The following ATP5PO variants were observed in gnomAD, a reference collection of about 807,000 sequenced individuals.
ATP5PO encodes the protein ATP synthase peripheral stalk subunit OSCP, mitochondrial.
In ATP5PO, 14 loss-of-function variants were observed where a neutral mutation model predicts 26.2. That is an observed-to-expected ratio of 0.53 (90% CI 0.35 to 0.83). ATP5PO has a LOEUF of 0.83. Ranked by LOEUF, ATP5PO falls within the 40% of genes least tolerant of loss-of-function variation. The probability of loss-of-function intolerance (pLI) is 0.01; values close to 1 mark genes in which losing one functional copy is unlikely to be tolerated. For synonymous variants in ATP5PO, 106 were observed against 95.1 expected, an observed-to-expected ratio of 1.12 and a Z score of -0.67; for missense variants, 241 against 258.5, an observed-to-expected ratio of 0.93 and a Z score of 0.46.
rs76471414 is a variant in ATP5PO at position 33,913,082 on chromosome 21, T to G, written c.88-683A>C. On this transcript the variant is annotated intron_variant, in intron 2 of 6. Transcript: ENST00000290299. ...TTTAGTTCCAGTCCAGCTCTAGGAC[T>G]AAGCTGAGTAACCTCAGGTAAATTT... Among the ~76,000 whole-genome samples, 187 of 152,364 alleles carry G rather than the reference T, an allele frequency of 1.2e-3. 5 individuals are homozygous for G. In the East Asian group the frequency reaches 0.032, roughly 26 times the overall value.
At chr21:33,907,307 A>G in intron 5 of ATP5PO, 34 bp downstream of exon 5, 1 of 1,554,092 alleles carries the variant, frequency 6.4e-7, no homozygotes, top group Non-Finnish European at 8.9e-7. Flanking sequence ...ATGTAATATC[A>G]AGGCAAACAC....
At chr21:33,909,317 G>A (rs1053391169) in intron 3 of ATP5PO, 106 bp from the exon 4 acceptor site, 17 of 1,316,264 alleles carry the variant, frequency 1.3e-5, no homozygotes, top group African/African-American at 3.0e-5. Flanking sequence ...GTCTTGCTCC[G>A]TCGCTCAGGC....
At chr21:33,912,497 G>A (rs1226422800) in intron 2 of ATP5PO, 98 bp from the exon 3 acceptor site, 3 of 784,516 alleles carry the variant, frequency 3.8e-6, no homozygotes, top group Middle Eastern at 3.1e-4. Context: ...TTTAAAAAAT[G>A]TATCTCTTTA....
At position 33,915,715 on chromosome 21, in the gene ATP5PO, A is replaced by C. The variant is rs1456227253; in HGVS notation, c.36+13T>G. On this transcript the variant is annotated intron_variant, in intron 1 of 6. Transcript: ENST00000290299. ...GATCCTCCCACTGGCTCTCAGGACC[A>C]CCTTTCTCTCACCTGCCGGGAGAGC... 1 of 1,569,704 alleles carries C rather than the reference A, an allele frequency of 6.4e-7. No homozygotes were observed. The highest frequency in any genetic ancestry group is 8.6e-7 in the Non-Finnish European group (1 of 1,157,388).
intron 3 of ATP5PO, 82 bp downstream of exon 3, chr21:33,912,207 C>T: frequency 5.0e-6 from 6 of 1,193,914 alleles, no homozygotes; most frequent in Non-Finnish European, 7.2e-6. Context: ...GTAGGATACA[C>T]CTCATTAGGA....
At chr21:33,914,647 C>G in intron 1 of ATP5PO, 147 bp from the exon 2 acceptor site, 1 of 670,692 alleles carries the variant, frequency 1.5e-6, no homozygotes, top group Non-Finnish European at 2.5e-6. Context: ...GGGTGAGCTA[C>G]TTACTATTAC....
chr21:33,904,075 G>A (rs1035245016), intron 5 of ATP5PO, 54 bp from the exon 6 acceptor site: 43 of 1,484,640 alleles, frequency 2.9e-5, no homozygotes, highest in Non-Finnish European at 3.5e-5. Flanking sequence ...GAAACTTCCA[G>A]AGTTAAAATA....
intron 2 of ATP5PO, 150 bp from the exon 3 acceptor site, chr21:33,912,549 A>G (rs1203375574): frequency 6.1e-6 from 3 of 493,780 alleles, no homozygotes; most frequent in Non-Finnish European, 1.0e-5. Flanking sequence ...GCTGTCCTAA[A>G]TGGCAATTTG....
rs1400941587 is a variant in ATP5PO, at chr21:33,908,152, A to C, written c.329-699T>G. Among the ~76,000 whole-genome samples the C allele has an allele frequency of 1.3e-4, 19 of 147,638 alleles. No individual in the cohort carries two copies. The Admixed American group carries it at 1.3e-3, about 10-fold the overall frequency. On this transcript the variant is annotated intron_variant, in intron 4 of 6. Transcript: ENST00000290299. ...CACTGCACTCCAGCTTGGGTGACAG[A>C]AAGGGACACCCAGGCTCAAAAAAAA...
At chr21:33,914,109 AT>A (rs1158932842) in intron 2 of ATP5PO, among the ~76,000 whole-genome samples, 1 of 152,082 alleles carries the variant, frequency 6.6e-6, no homozygotes, top group Non-Finnish European at 1.5e-5. Context: ...GTCTCCTGTA[AT>A]AACTTCCTGT....
chr21:33,908,169 CAAA>C (rs34768404), intron 4 of ATP5PO, among the ~76,000 whole-genome samples: 27,246 of 97,562 alleles, frequency 0.28, 2,299 homozygotes, highest in Non-Finnish European at 0.31. Context: ...CACCCAGGCT[CAAA>C]AAAAAAAAAA....
intron 4 of ATP5PO, 148 bp downstream of exon 4, chr21:33,908,934 C>T: frequency 1.1e-6 from 1 of 885,530 alleles, no homozygotes; most frequent in Non-Finnish European, 1.6e-6. Flanking sequence ...GGTTAAGATA[C>T]AGACTCTGAT....
At chr21:33,909,282 T>G in intron 3 of ATP5PO, 71 bp from the exon 4 acceptor site, 4 of 1,471,042 alleles carry the variant, frequency 2.7e-6, no homozygotes, top group Non-Finnish European at 3.7e-6. Context: ...GCACACACTT[T>G]CTTTCTTTCT....
chr21:33,909,278 A>ACTTTCTTT (rs1244880700), intron 3 of ATP5PO, 67 bp from the exon 4 acceptor site: 9 of 1,516,014 alleles, frequency 5.9e-6, no homozygotes, highest in Non-Finnish European at 8.1e-6. Flanking sequence ...CCATGCACAC[A>ACTTTCTTT]CTTTCTTTCT....
intron 4 of ATP5PO, among the ~76,000 whole-genome samples, chr21:33,908,631 T>C (rs886958723): frequency 2.6e-5 from 4 of 151,746 alleles, no homozygotes; most frequent in African/African-American, 9.7e-5. Flanking sequence ...ATCACCTGAG[T>C]CTGGGAGGTT....
intron 6 of ATP5PO, 99 bp downstream of exon 6, chr21:33,903,836 T>C (rs1204774918): frequency 2.5e-5 from 29 of 1,172,604 alleles, no homozygotes; most frequent in Non-Finnish European, 3.3e-5. Flanking sequence ...ACAGAAAAAT[T>C]AGTATAGAGT....
intron 4 of ATP5PO, among the ~76,000 whole-genome samples, chr21:33,908,046 C>T (rs1054116982): frequency 2.0e-5 from 3 of 149,902 alleles, no homozygotes; most frequent in African/African-American, 7.4e-5. Context: ...CGCATGCGCG[C>T]AGTTCCAGCT....
intron 3 of ATP5PO, 106 bp downstream of exon 3, chr21:33,912,182 TC>T: frequency 1.2e-6 from 1 of 828,664 alleles, no homozygotes; most frequent in Middle Eastern, 3.9e-4. Flanking sequence ...AATGGCTTTT[TC>T]CCAGTTTTTT....
At position 33,907,458 on chromosome 21, in the gene ATP5PO, C is replaced by G; in HGVS notation, c.329-5G>C. On this transcript the variant is annotated splice_region_variant and splice_polypyrimidine_tract_variant and intron_variant, in intron 4 of 6. Transcript: ENST00000290299. The stretch of plus-strand genomic sequence containing the variant: ...GACCATTTTCAGCAAGCAAATCTGC[C>G]AGAGTGAAGGTGTCTCAGTAACAAG... The G allele has an allele frequency of 6.2e-7, 1 of 1,611,464 alleles. No homozygotes were observed. Among genetic ancestry groups the G allele is most frequent in the Non-Finnish European group, 8.5e-7 (1 of 1,177,698 alleles).
Sources: allele counts gnomAD v4.1 joint callset (sites outside exome capture counted in the v4.1 genomes callset), GRCh38; gene constraint gnomAD v4.1.1; transcripts MANE v1.5; gene names NCBI Gene and HGNC (gene_info 2026-07-23, HGNC 2026-07-21).